Variants in NLRP11 observed in about 807,000 individuals in gnomAD.
NLRP11 encodes the protein NLR family pyrin domain containing 11, also known as NACHT, LRR and PYD domains-containing protein 11.
In NLRP11, 53 loss-of-function variants were observed where a neutral mutation model predicts 79.3. The observed-to-expected ratio is 0.67, with a 90% CI of 0.54 to 0.84. NLRP11 has a LOEUF of 0.84. NLRP11 is among the 40% of genes least tolerant of loss of function. The probability of loss-of-function intolerance (pLI) is 0.00; values close to 1 mark genes in which losing one functional copy is unlikely to be tolerated. For synonymous variants in NLRP11, 518 were observed against 462.6 expected, an observed-to-expected ratio of 1.12 and a Z score of -1.54; for missense variants, 1,264 against 1,255.0, an observed-to-expected ratio of 1.01 and a Z score of -0.11.
chr19:55,821,634 G>A (rs998300944), intron 1 of NLRP11, among the ~76,000 whole-genome samples: 5 of 151,688 alleles, frequency 3.3e-5, no homozygotes, highest in African/African-American at 1.2e-4. Flanking sequence ...TTAGTGATGG[G>A]AGAACCCATT....
At chr19:55,795,251 A>C (rs1978715181) in intron 6 of NLRP11, among the ~76,000 whole-genome samples, 2 of 152,278 alleles carry the variant, frequency 1.3e-5, no homozygotes, top group East Asian at 3.9e-4. Flanking sequence ...AGTCGGTTAC[A>C]TACAGGGAGA....
At chr19:55,796,761 A>G (rs11669659) in intron 5 of NLRP11, among the ~76,000 whole-genome samples, 7 of 150,746 alleles carry the variant, frequency 4.6e-5, no homozygotes, top group East Asian at 1.9e-4. Flanking sequence ...ATCTCGGCTC[A>G]CTGCAACCTC....
At chr19:55,820,986 C>T (rs1044562003) in intron 1 of NLRP11, among the ~76,000 whole-genome samples, 10 of 152,120 alleles carry the variant, frequency 6.6e-5, no homozygotes, top group Non-Finnish European at 1.3e-4. Flanking sequence ...AAGGCACCCC[C>T]CACCCACATT....
At chr19:55,801,476 T>A in intron 5 of NLRP11, 96 bp downstream of exon 5, 1 of 877,896 alleles carries the variant, frequency 1.1e-6, no homozygotes, top group South Asian at 1.7e-5. Context: ...CATCAAAAGG[T>A]AGGAGCAGGT....
chr19:55,817,302 G>T (rs1015105780), intron 2 of NLRP11, among the ~76,000 whole-genome samples: 6 of 152,168 alleles, frequency 3.9e-5, no homozygotes, highest in African/African-American at 1.2e-4. Flanking sequence ...ACGACCATTT[G>T]ATCCAGCAAT....
intron 1 of NLRP11, among the ~76,000 whole-genome samples, chr19:55,821,344 G>A (rs888474537): frequency 1.3e-5 from 2 of 151,792 alleles, no homozygotes; most frequent in Admixed American, 1.3e-4. Flanking sequence ...ACATGTCCTG[G>A]GTGACTCTGC....
intron 4 of NLRP11, among the ~76,000 whole-genome samples, chr19:55,803,120 G>A (rs1410371240): frequency 6.6e-6 from 1 of 152,076 alleles, no homozygotes; most frequent in Non-Finnish European, 1.5e-5. Flanking sequence ...AGACTCAGAT[G>A]GGCAGATCAC....
exon 10 of NLRP11, chr19:55,785,500 C>T: frequency 2.4e-6 from 1 of 414,138 alleles, no homozygotes. Flanking sequence ...AGGTCACACA[C>T]ACACACACAC....
chr19:55,796,285 C>A, intron 5 of NLRP11, 35 bp from the exon 6 acceptor site: 1 of 1,552,104 alleles, frequency 6.4e-7, no homozygotes, highest in Non-Finnish European at 8.8e-7. Context: ...AAGAGGCTCC[C>A]GCGTTTAAGC....
chr19:55,833,594 G>A (rs10403225), upstream of NLRP11, among the ~76,000 whole-genome samples: 5,964 of 151,488 alleles, frequency 0.039, 136 homozygotes, highest in Middle Eastern at 0.065. Flanking sequence ...TGAAACCCCC[G>A]TCTCTACCAA....
In NLRP11 at chr19:55,817,977, C is replaced by T. The variant is rs1241942633; in HGVS notation, c.198G>A (p.Trp66Ter). 6.2e-7 allele frequency: 1 copy of T among 1,610,242 alleles called. No individual in the cohort carries two copies. The highest frequency in any genetic ancestry group is 8.5e-7 in the Non-Finnish European group (1 of 1,176,468). The change falls in exon 2 of 10, where the codon TGG (tryptophan) becomes TGA (stop). Residue 66 changes from tryptophan to a stop codon, truncating the protein, a stop_gained. Transcript: ENST00000589093. LOFTEE classifies it high-confidence loss of function. ...TTGAAAATATGCTGAAGAGCATATT[C>T]CATATATACTGTCCCTCATAAGAGA...
chr19:55,790,298 C>T lies in NLRP11; in HGVS notation c.2514-899G>A, dbSNP rs923383577. On this transcript the variant is annotated intron_variant, in intron 7 of 9. Coordinates refer to ENST00000589093, the Ensembl canonical transcript of NLRP11. ...GGCCAGATAATAGTTTAGGCTTCAC[C>T]GGCCATGGTGCCTCTGTCACAACTA... is the stretch of plus-strand genomic sequence containing the variant. Among the ~76,000 whole-genome samples the T allele has an allele frequency of 1.1e-4, 17 of 152,280 alleles. No individual in the cohort carries two copies. In the South Asian group the frequency reaches 1.5e-3, roughly 13 times the overall value.
chr19:55,810,427 G>A, intron 2 of NLRP11, 89 bp from the exon 3 acceptor site: 4 of 1,218,046 alleles, frequency 3.3e-6, no homozygotes, highest in Non-Finnish European at 4.6e-6. Context: ...CATGTTTACA[G>A]TAAAAATATA....
intron 5 of NLRP11, chr19:55,801,041 T>G: frequency 6.5e-6 from 1 of 152,880 alleles, no homozygotes; most frequent in African/African-American, 2.4e-5. Flanking sequence ...TAGCTGGGCA[T>G]GGTGGCACAT....
At chr19:55,789,056 TCTA>T (rs1990079048) in intron 8 of NLRP11, 79 bp from the exon 9 acceptor site, 1 of 1,518,510 alleles carries the variant, frequency 6.6e-7, no homozygotes, top group African/African-American at 1.4e-5. Context: ...GAACTGGACA[TCTA>T]CTAGATCCCT....
At chr19:55,800,220 T>TA (rs1438773249) in intron 5 of NLRP11, among the ~76,000 whole-genome samples, 1 of 152,202 alleles carries the variant, frequency 6.6e-6, no homozygotes, top group East Asian at 1.9e-4. Flanking sequence ...CACCAGCAAG[T>TA]AGAGCTACTG....
At chr19:55,828,503 G>C (rs913233680) in intron 1 of NLRP11, among the ~76,000 whole-genome samples, 1 of 152,284 alleles carries the variant, frequency 6.6e-6, no homozygotes, top group African/African-American at 2.4e-5. Flanking sequence ...AATACTCATT[G>C]CAACAAATTT....
chr19:55,822,720 C>T (rs1439388825), intron 1 of NLRP11, among the ~76,000 whole-genome samples: 4 of 152,160 alleles, frequency 2.6e-5, no homozygotes, highest in African/African-American at 7.2e-5. Flanking sequence ...TAAAAAACGG[C>T]GCACCATGAG....
intron 6 of NLRP11, among the ~76,000 whole-genome samples, chr19:55,795,115 C>A (rs1978701114): frequency 6.6e-6 from 1 of 151,990 alleles, no homozygotes; most frequent in African/African-American, 2.4e-5. Context: ...ATTTTTGTAC[C>A]TTTATGCCTC....
Sources: allele counts gnomAD v4.1 joint callset (sites outside exome capture counted in the v4.1 genomes callset), GRCh38; gene constraint gnomAD v4.1.1; transcripts MANE v1.5; gene names NCBI Gene and HGNC (gene_info 2026-07-23, HGNC 2026-07-21).